THEMIS: variants seen among roughly 807,000 people sequenced by gnomAD.
THEMIS encodes thymocyte selection associated, also known as protein THEMIS.
Under a neutral mutation model 52.6 loss-of-function variants are expected in THEMIS, and 37 were observed. The observed-to-expected ratio is 0.70, with a 90% confidence interval of 0.54 to 0.93. THEMIS has a LOEUF of 0.93. Among genes scored for constraint, THEMIS ranks in the 40% least tolerant of loss-of-function variants. The pLI is 0.00. For missense variants in THEMIS, 808 were observed against 763.1 expected (o/e 1.06, Z -0.69); for synonymous variants, 292 against 272.7 (o/e 1.07, Z -0.70).
chr6:127,867,069 G>T (rs1780004514), intron 1 of THEMIS, among the ~76,000 whole-genome samples: 1 of 151,806 alleles, frequency 6.6e-6, no homozygotes, highest in Non-Finnish European at 1.5e-5. Flanking sequence ...TCTAAAGACT[G>T]TTCCTTTCTT....
chr6:127,702,752 G>T, the THEMIS span, among the ~76,000 whole-genome samples: 2 of 152,080 alleles, frequency 1.3e-5, no homozygotes, highest in Non-Finnish European at 2.9e-5. Context: ...GGCTGTGGAG[G>T]CTTCACAATC....
chr6:127,826,217 C>T (rs1778501402), intron 3 of THEMIS, among the ~76,000 whole-genome samples: 1 of 152,078 alleles, frequency 6.6e-6, no homozygotes, highest in Non-Finnish European at 1.5e-5. Flanking sequence ...ATTTGGCCCT[C>T]GTGTCAAGGG....
At chr6:127,897,553 T>G (rs1219480256) in intron 1 of THEMIS, among the ~76,000 whole-genome samples, 2 of 151,678 alleles carry the variant, frequency 1.3e-5, no homozygotes, top group African/African-American at 4.8e-5. Flanking sequence ...GTGCTCAATC[T>G]TATTAGTCAT....
At chr6:127,900,352 T>A (rs1367503305) in intron 1 of THEMIS, among the ~76,000 whole-genome samples, 5 of 152,034 alleles carry the variant, frequency 3.3e-5, no homozygotes, top group Non-Finnish European at 4.4e-5. Context: ...TTTAAGGAAT[T>A]TGGAGTTAGG....
chr6:127,913,894 T>G (rs1562337020), intron 1 of THEMIS, among the ~76,000 whole-genome samples: 1 of 152,152 alleles, frequency 6.6e-6, no homozygotes, highest in Non-Finnish European at 1.5e-5. Flanking sequence ...GCTCCTAAAC[T>G]CCTTAGCAAA....
At chr6:127,902,033 T>A (rs1251989028), upstream of THEMIS, among the ~76,000 whole-genome samples, 1 of 151,954 alleles carries the variant, frequency 6.6e-6, no homozygotes, top group Non-Finnish European at 1.5e-5. Context: ...AGTAGAAGAA[T>A]ATTGGTTGAG....
At chr6:127,890,270 C>G (rs77435482) in intron 1 of THEMIS, among the ~76,000 whole-genome samples, 2,835 of 152,134 alleles carry the variant, frequency 0.019, 106 homozygotes, top group African/African-American at 0.065. Flanking sequence ...AAACAGTATT[C>G]AGTAATAAAA....
At chr6:127,777,177 T>C (rs1248087961) in intron 4 of THEMIS, among the ~76,000 whole-genome samples, 1 of 151,760 alleles carries the variant, frequency 6.6e-6, no homozygotes, top group East Asian at 1.9e-4. Context: ...AGTTTAAATT[T>C]AACACCTTGG....
At chr6:127,719,902 C>T in intron 4 of THEMIS, 79 bp from the exon 5 acceptor site, 1 of 1,530,392 alleles carries the variant, frequency 6.5e-7, no homozygotes, top group Non-Finnish European at 8.9e-7. Flanking sequence ...TATCACATGG[C>T]AATTCATTTC....
At chr6:127,745,798 C>G (rs575712766) in intron 4 of THEMIS, among the ~76,000 whole-genome samples, 3 of 151,934 alleles carry the variant, frequency 2.0e-5, no homozygotes, top group African/African-American at 7.2e-5. Flanking sequence ...GTTCAAAAAT[C>G]TGGTTACTCT....
intron 1 of THEMIS, among the ~76,000 whole-genome samples, chr6:127,864,502 G>C (rs926068331): frequency 1.3e-5 from 2 of 152,070 alleles, no homozygotes; most frequent in Admixed American, 1.3e-4. Context: ...GAAGCAGAGA[G>C]GTGAGTTCAA....
chr6:127,747,010 TTA>T (rs546953305), intron 4 of THEMIS, among the ~76,000 whole-genome samples: 7 of 87,734 alleles, frequency 8.0e-5, no homozygotes, highest in African/African-American at 3.4e-4. Flanking sequence ...TATAATTATA[TTA>T]TATATAATTA....
Position 127,866,127 on chromosome 6 carries a change from C to T in THEMIS, c.92-10939G>A, listed in dbSNP as rs138274392. 3.3e-3 allele frequency among the ~76,000 whole-genome samples: 496 copies of T among 152,126 alleles called. 1 individual carries two copies. Among genetic ancestry groups the T allele is most frequent in the Middle Eastern group, 0.017 (5 of 294 alleles). On this transcript the variant is annotated intron_variant, in intron 1 of 5. Coordinates refer to ENST00000368248, the MANE Select transcript of THEMIS (RefSeq NM_001010923.3). Reference sequence around the variant, plus strand: ...TGTAAAATATTGTACTTGATTTATACTTTAGATTTTCTTCCTTATATCTTT... The same window carrying T: ...TGTAAAATATTGTACTTGATTTATATTTTAGATTTTCTTCCTTATATCTTT...
intron 4 of THEMIS, among the ~76,000 whole-genome samples, chr6:127,804,959 C>A (rs1369952117): frequency 6.6e-6 from 1 of 151,968 alleles, no homozygotes; most frequent in Non-Finnish European, 1.5e-5. Flanking sequence ...CTAAAAAAAA[C>A]AAATATTTAT....
intron 4 of THEMIS, among the ~76,000 whole-genome samples, chr6:127,807,769 C>A (rs567968356): frequency 2.6e-5 from 4 of 152,228 alleles, no homozygotes; most frequent in African/African-American, 9.6e-5. Flanking sequence ...GTGACCAAAC[C>A]CTATTGATAA....
At position 127,830,045 on chromosome 6, in the gene THEMIS, A is replaced by G. The variant is rs1212903860; in HGVS notation, c.251-111T>C. The G allele has an allele frequency of 2.0e-5, 15 of 753,166 alleles. No homozygotes were observed. The Admixed American group carries it at 4.3e-4, about 22-fold the overall frequency. The allele number at this position is 753,166 out of a possible 1,614,324, so 46.7% of individuals were successfully genotyped here. On this transcript the variant is annotated intron_variant, in intron 2 of 5. Coordinates refer to ENST00000368248, the MANE Select transcript of THEMIS (RefSeq NM_001010923.3). ...AAGTACTGCATACATTTTTAAAGTG[A>G]TATCTTTTTAAAGATTAGAGATGCT...
At chr6:127,730,195 A>C (rs769560546) in intron 4 of THEMIS, among the ~76,000 whole-genome samples, 2 of 151,732 alleles carry the variant, frequency 1.3e-5, no homozygotes, top group African/African-American at 2.4e-5. Context: ...TTAGTCTAGG[A>C]GTTCAAGGCT....
Position 127,709,865 on chromosome 6 carries a change from C to T in THEMIS, c.*120G>A, listed in dbSNP as rs758163924. The T allele has an allele frequency of 2.0e-5, 16 of 809,538 alleles. No individual in the cohort carries two copies. The highest frequency in any genetic ancestry group is 3.0e-5 in the Admixed American group (1 of 33,292). 50.1% of individuals were successfully genotyped at this position (809,538 alleles called of 1,614,324 possible). A position where few individuals can be genotyped will look rare whatever the true frequency, so the allele number is the denominator to read the frequency against. ...TTTAAGGTTGTTCTTTCCTTTGCAG[C>T]GATGAATCAAGTTTCTTCTGGAGTC... On this transcript the variant is annotated 3_prime_UTR_variant, in exon 6 of 6. Coordinates refer to ENST00000368248, the MANE Select transcript of THEMIS (RefSeq NM_001010923.3).
chr6:127,867,087 G>A (rs1468740704), intron 1 of THEMIS, among the ~76,000 whole-genome samples: 1 of 151,728 alleles, frequency 6.6e-6, no homozygotes, highest in African/African-American at 2.4e-5. Flanking sequence ...CTTTCTTCTA[G>A]GGGGAAAATC....
Sources: gnomAD v4.1 joint callset for allele counts (sites outside exome capture counted in the v4.1 genomes callset) on GRCh38, gnomAD v4.1.1 for gene constraint, MANE v1.5 for transcripts, NCBI Gene and HGNC (gene_info 2026-07-23, HGNC 2026-07-21) for gene names.